Variants in TET2 observed in about 807,000 individuals in gnomAD.
The protein encoded by TET2 is methylcytosine dioxygenase TET2.
A neutral mutation model predicts 142.9 loss-of-function variants in TET2; 299 were observed. That is an observed-to-expected ratio of 2.09 (90% CI 1.90 to 2.30). The LOEUF is 2.30. Among genes scored for constraint, TET2 ranks in the 30% most tolerant of loss-of-function variants. The probability of loss-of-function intolerance (pLI) is 0.00; values close to 1 mark genes in which losing one functional copy is unlikely to be tolerated. For missense variants in TET2, 2,418 were observed against 2,378.0 expected (o/e 1.02, Z -0.35); for synonymous variants, 819 against 849.0 (o/e 0.96, Z 0.61).
At chr4:105,243,812 G>A (rs1013388362) in intron 6 of TET2, 34 bp downstream of exon 6, 15 of 1,534,104 alleles carry the variant, frequency 9.8e-6, no homozygotes, top group Admixed American at 3.9e-5. Context: ...CCCTCTTTGC[G>A]GCCACTGATA....
intron 1 of TET2, among the ~76,000 whole-genome samples, chr4:105,174,019 C>T (rs1724633758): frequency 1.3e-5 from 2 of 152,222 alleles, no homozygotes; most frequent in African/African-American, 4.8e-5. Context: ...CTGTCCCTAT[C>T]AACATATATA....
intron 2 of TET2, among the ~76,000 whole-genome samples, chr4:105,204,994 T>G (rs919445936): frequency 6.6e-6 from 1 of 152,174 alleles, no homozygotes; most frequent in Admixed American, 6.5e-5. Context: ...TTTGTTTTCC[T>G]AAATTAGTGA....
intron 1 of TET2, among the ~76,000 whole-genome samples, chr4:105,158,792 CA>C (rs904150291): frequency 2.0e-4 from 31 of 151,830 alleles, no homozygotes; most frequent in African/African-American, 7.3e-4. Context: ...AAAAATATTA[CA>C]GTTCTTCCTC....
chr4:105,239,699 T>TTCA, intron 3 of TET2: 1 of 232,678 alleles, frequency 4.3e-6, no homozygotes, highest in Non-Finnish European at 8.7e-6. Context: ...TTTCTTACCT[T>TTCA]TCATGTGTTC....
chr4:105,160,598 C>T lies in TET2; in HGVS notation c.-193+13619C>T, dbSNP rs149385564. On this transcript the variant is annotated intron_variant, in intron 1 of 10. Coordinates refer to ENST00000380013, the MANE Select transcript of TET2 (RefSeq NM_001127208.3). ...GTAATTGAAAAGTTAGCTCATTTGA[C>T]TGCTTCTTTCATAGACTGTGTTTTT... is the stretch of plus-strand genomic sequence containing the variant. Among the ~76,000 whole-genome samples the T allele has an allele frequency of 4.1e-3, 628 of 152,316 alleles. 2 individuals are homozygous for T. Among genetic ancestry groups the T allele is most frequent in the Admixed American group, 8.0e-3 (123 of 15,298 alleles).
chr4:105,270,642 G>A (rs111891353), intron 9 of TET2, among the ~76,000 whole-genome samples: 2,095 of 150,546 alleles, frequency 0.014, 28 homozygotes, highest in Middle Eastern at 0.055. Context: ...TCTTGTAATT[G>A]GAGGCAGTGG....
chr4:105,179,523 A>C (rs1724996730), intron 1 of TET2, among the ~76,000 whole-genome samples: 1 of 152,226 alleles, frequency 6.6e-6, no homozygotes, highest in African/African-American at 2.4e-5. Context: ...CAAACTATTC[A>C]AGATAAAAAA....
At chr4:105,188,544 A>G (rs1304948880) in intron 1 of TET2, among the ~76,000 whole-genome samples, 1 of 152,232 alleles carries the variant, frequency 6.6e-6, no homozygotes, top group Admixed American at 6.5e-5. Flanking sequence ...TTTTATCACA[A>G]TTAAAAAGTT....
intron 1 of TET2, among the ~76,000 whole-genome samples, chr4:105,190,006 C>T (rs1725690088): frequency 6.6e-6 from 1 of 152,168 alleles, no homozygotes; most frequent in African/African-American, 2.4e-5. Flanking sequence ...TGAGCAAAAT[C>T]CTCAACTTCT....
At chr4:105,242,637 T>C (rs1578690101) in intron 4 of TET2, 197 bp from the exon 5 acceptor site, 1 of 1,343,852 alleles carries the variant, frequency 7.4e-7, no homozygotes, top group East Asian at 3.0e-5. Flanking sequence ...TCTGTACATT[T>C]TGATATTGAG....
intron 1 of TET2, among the ~76,000 whole-genome samples, chr4:105,162,677 T>A (rs1202296815): frequency 6.6e-6 from 1 of 152,252 alleles, no homozygotes; most frequent in Non-Finnish European, 1.5e-5. Context: ...ATAATGTTGC[T>A]GCATGCCTTC....
At chr4:105,259,317 A>C (rs1284397933) in intron 6 of TET2, among the ~76,000 whole-genome samples, 1 of 152,194 alleles carries the variant, frequency 6.6e-6, no homozygotes, top group Non-Finnish European at 1.5e-5. Context: ...CTGAAAGGCA[A>C]AATGAGGGGA....
intron 2 of TET2, among the ~76,000 whole-genome samples, chr4:105,217,249 C>A (rs1011731412): frequency 6.6e-6 from 1 of 151,860 alleles, no homozygotes; most frequent in African/African-American, 2.4e-5. Context: ...AGGTGAAGAG[C>A]GTGAATCATT....
intron 1 of TET2, among the ~76,000 whole-genome samples, chr4:105,151,822 C>T (rs1723312763): frequency 6.6e-6 from 1 of 152,182 alleles, no homozygotes; most frequent in Non-Finnish European, 1.5e-5. Context: ...TGCCTGTAAT[C>T]CCAGCACTTT....
chr4:105,279,384 T>C lies in TET2; in HGVS notation c.*2865T>C, dbSNP rs1225455111. The C allele has an allele frequency of 4.3e-6, 1 of 232,008 alleles. No individual in the cohort carries two copies. The highest frequency in any genetic ancestry group is 8.5e-6 in the Non-Finnish European group (1 of 117,514). 14.4% of individuals were successfully genotyped at this position (232,008 alleles called of 1,614,324 possible). ...ATTGTAAATATAAAACCTGCCTCAG[T>C]TAGAATGAATGGAAAGCAGATCTAC... On this transcript the variant is annotated 3_prime_UTR_variant, in exon 11 of 11. Transcript: ENST00000380013.
In TET2 at chr4:105,278,789, G is replaced by C. The variant is rs1407962069; in HGVS notation, c.*2270G>C. 4.3e-6 allele frequency: 1 copy of C among 232,878 alleles called. No homozygotes were observed. Among genetic ancestry groups the C allele is most frequent in the Non-Finnish European group, 8.5e-6 (1 of 117,942 alleles). 14.4% of individuals were successfully genotyped at this position (232,878 alleles called of 1,614,324 possible). ...GATAAAGGGAAAAATTGTAAGGCAGGAGTTTGGCAAGTGGCTGTTGGCCAG... is the reference window on the plus strand; with the variant it reads ...GATAAAGGGAAAAATTGTAAGGCAGCAGTTTGGCAAGTGGCTGTTGGCCAG... On this transcript the variant is annotated 3_prime_UTR_variant, in exon 11 of 11. Transcript: ENST00000380013.
chr4:105,204,234 T>TGCACAC (rs1553948996), intron 2 of TET2, among the ~76,000 whole-genome samples: 1 of 125,950 alleles, frequency 7.9e-6, no homozygotes, highest in Admixed American at 8.4e-5. Flanking sequence ...AAAAAATATA[T>TGCACAC]ACACACACAC....
At chr4:105,241,101 T>G (rs1729273583) in intron 3 of TET2, 1 of 1,101,874 alleles carries the variant, frequency 9.1e-7, no homozygotes, top group Non-Finnish European at 1.1e-6. Context: ...AAATAATTTT[T>G]TATCCCATAT....
At chr4:105,195,245 T>C (rs2110494314) in intron 2 of TET2, among the ~76,000 whole-genome samples, 1 of 152,084 alleles carries the variant, frequency 6.6e-6, no homozygotes, top group East Asian at 1.9e-4. Flanking sequence ...AATGGAAGAG[T>C]CTTAGTGAAA....
Sources: allele counts gnomAD v4.1 joint callset (sites outside exome capture counted in the v4.1 genomes callset), GRCh38; gene constraint gnomAD v4.1.1; transcripts MANE v1.5; gene names NCBI Gene and HGNC (gene_info 2026-07-23, HGNC 2026-07-21).